PIGN: variants seen among roughly 807,000 people sequenced by gnomAD.
PIGN encodes the protein phosphatidylinositol glycan anchor biosynthesis class N, also known as GPI ethanolamine phosphate transferase 1.
Under a neutral mutation model 125.4 loss-of-function variants are expected in PIGN, and 117 were observed. The observed-to-expected ratio is 0.93, with a 90% CI of 0.80 to 1.09. PIGN has a LOEUF of 1.09. PIGN is among the 50% of genes least tolerant of loss of function. The pLI, the probability that PIGN is intolerant of heterozygous loss-of-function variation, is 0.00. For missense variants in PIGN, 1,075 were observed against 1,094.9 expected (o/e 0.98, Z 0.26); for synonymous variants, 392 against 377.8 (o/e 1.04, Z -0.44).
chr18:62,145,875 T>C, intron 10 of PIGN, 34 bp downstream of exon 10: 1 of 1,024,234 alleles, frequency 9.8e-7, no homozygotes, highest in Non-Finnish European at 1.5e-6. Context: ...TTTTAAGAGG[T>C]TGTATTTATA....
chr18:62,155,955 C>T (rs929263140), intron 6 of PIGN, among the ~76,000 whole-genome samples: 2 of 152,146 alleles, frequency 1.3e-5, no homozygotes, highest in Admixed American at 1.3e-4. Context: ...CTGTAAAATT[C>T]TCAATATATA....
chr18:62,090,141 G>A (rs1043156908), intron 24 of PIGN, among the ~76,000 whole-genome samples: 1 of 151,978 alleles, frequency 6.6e-6, no homozygotes, highest in Non-Finnish European at 1.5e-5. Context: ...ATAAATTGAC[G>A]GAAGGAAAAA....
intron 30 of PIGN, among the ~76,000 whole-genome samples, chr18:62,048,424 G>C (rs759025733): frequency 6.6e-6 from 1 of 151,914 alleles, no homozygotes; most frequent in Non-Finnish European, 1.5e-5. Context: ...ACAAAGAAAA[G>C]AATTTGAAAG....
At chr18:62,167,228 C>T (rs1189834040) in intron 1 of PIGN, among the ~76,000 whole-genome samples, 4 of 136,230 alleles carry the variant, frequency 2.9e-5, no homozygotes, top group Non-Finnish European at 6.5e-5. Flanking sequence ...TATATAAAAT[C>T]TCTCTCTATA....
downstream of PIGN, among the ~76,000 whole-genome samples, chr18:62,038,175 C>T (rs9946249): frequency 0.34 from 52,395 of 152,056 alleles, 10,063 homozygotes; most frequent in East Asian, 0.7. Flanking sequence ...TTCATGGAAC[C>T]ATTCTGCCCC....
intron 1 of PIGN, among the ~76,000 whole-genome samples, chr18:62,180,986 T>C (rs1473982069): frequency 2.0e-5 from 3 of 152,200 alleles, no homozygotes; most frequent in African/African-American, 7.2e-5. Context: ...TTAAAATTTA[T>C]TTGTGTTGGT....
rs200294782 is a variant in PIGN at position 62,041,638 on chromosome 18, C to CGGGG, written c.*4217_*4218insCCCC. The CGGGG allele has an allele frequency of 1.0e-4, 10 of 95,312 alleles. No individual in the cohort carries two copies. Among genetic ancestry groups the CGGGG allele is most frequent in the Non-Finnish European group, 1.7e-4 (8 of 46,560 alleles). The allele number at this position is 95,312 out of a possible 1,614,324, so 5.9% of individuals were successfully genotyped here. A position where few individuals can be genotyped will look rare whatever the true frequency, so the allele number is the denominator to read the frequency against. Reference sequence around the variant, plus strand: ...GGATTACAGGAGCCTACCACCCCGCCGGGTGTGTGTGTGTGTGTGTGTGTG... The same window carrying CGGGG: ...GGATTACAGGAGCCTACCACCCCGCCGGGGGGGTGTGTGTGTGTGTGTGTGTGTG... On this transcript the variant is annotated 3_prime_UTR_variant, in exon 31 of 31. Coordinates refer to ENST00000640252, the MANE Select transcript of PIGN (RefSeq NM_176787.5).
intron 28 of PIGN, among the ~76,000 whole-genome samples, chr18:62,079,279 A>T (rs1271253448): frequency 6.6e-6 from 1 of 152,214 alleles, no homozygotes; most frequent in South Asian, 2.1e-4. Flanking sequence ...ACTACTTGAA[A>T]TTTTGTTATT....
intron 30 of PIGN, among the ~76,000 whole-genome samples, chr18:62,058,282 T>G (rs2031876574): frequency 2.0e-5 from 3 of 152,222 alleles, no homozygotes; most frequent in African/African-American, 7.2e-5. Context: ...TATATATTAA[T>G]TAGGTATAAT....
chr18:62,098,785 A>G (rs1352471793), intron 22 of PIGN, among the ~76,000 whole-genome samples: 1 of 152,162 alleles, frequency 6.6e-6, no homozygotes, highest in Non-Finnish European at 1.5e-5. Flanking sequence ...CAAGGAGGAA[A>G]GATCTTGTTT....
chr18:62,036,366 A>G (rs933058005), downstream of PIGN, among the ~76,000 whole-genome samples: 2 of 151,922 alleles, frequency 1.3e-5, no homozygotes, highest in Non-Finnish European at 2.9e-5. Flanking sequence ...CAGCCTCCTG[A>G]GTAGCTGGGA....
intron 30 of PIGN, among the ~76,000 whole-genome samples, chr18:62,047,527 T>C (rs1050101455): frequency 3.9e-5 from 6 of 152,166 alleles, no homozygotes; most frequent in African/African-American, 1.2e-4. Context: ...ACCTCTGTCT[T>C]TCCCAGTCAT....
chr18:62,034,770 C>T (rs962965780), intron 23 of PIGN, among the ~76,000 whole-genome samples: 3 of 152,092 alleles, frequency 2.0e-5, no homozygotes, highest in African/African-American at 4.8e-5. Context: ...TTTACAGGCT[C>T]ATGTAAAGGA....
chr18:62,096,020 C>T (rs1201367092), intron 22 of PIGN, 70 bp from the exon 23 acceptor site: 21 of 926,258 alleles, frequency 2.3e-5, no homozygotes, highest in Non-Finnish European at 3.1e-5. Flanking sequence ...TAGGGCCGGG[C>T]GTGGTGGCTC....
intron 1 of PIGN, among the ~76,000 whole-genome samples, chr18:62,166,615 T>C (rs2037142815): frequency 6.6e-6 from 1 of 152,186 alleles, no homozygotes; most frequent in Non-Finnish European, 1.5e-5. Context: ...ATATGTTTAT[T>C]GCAGCACTAT....
At chr18:62,072,212 GTATAGCTA>G in intron 30 of PIGN, 1 of 151,802 alleles carries the variant, frequency 6.6e-6, no homozygotes, top group East Asian at 1.9e-4. Context: ...AAAGGTTTTT[GTATAGCTA>G]TATAATGTGT....
chr18:62,183,507 C>T (rs1335041030), intron 1 of PIGN, among the ~76,000 whole-genome samples: 6 of 152,234 alleles, frequency 3.9e-5, no homozygotes, highest in Non-Finnish European at 7.3e-5. Context: ...TCCACTCTCT[C>T]CTAACATTCC....
intron 1 of PIGN, among the ~76,000 whole-genome samples, chr18:62,170,157 T>C (rs771771510): frequency 2.0e-5 from 3 of 152,226 alleles, no homozygotes; most frequent in African/African-American, 4.8e-5. Context: ...GGCTTACTGA[T>C]CTACCATTTG....
At chr18:62,091,010 T>G (rs1308081830) in intron 23 of PIGN, among the ~76,000 whole-genome samples, 1 of 152,100 alleles carries the variant, frequency 6.6e-6, no homozygotes, top group Non-Finnish European at 1.5e-5. Flanking sequence ...ATTGATAACA[T>G]ATGGAAATGA....
Sources: allele counts gnomAD v4.1 joint callset (sites outside exome capture counted in the v4.1 genomes callset), GRCh38; gene constraint gnomAD v4.1.1; transcripts MANE v1.5; gene names NCBI Gene and HGNC (gene_info 2026-07-23, HGNC 2026-07-21).